EPM2A: variants seen among roughly 807,000 people sequenced by gnomAD.
EPM2A encodes the protein EPM2A glucan phosphatase, laforin, also known as laforin.
A neutral mutation model predicts 26.5 loss-of-function variants in EPM2A; 21 were observed. The observed-to-expected ratio is 0.79, with a 90% CI of 0.56 to 1.14. The LOEUF is 1.14. EPM2A is among the 50% of genes most tolerant of loss of function. EPM2A has a pLI of 0.00. For missense variants in EPM2A, 458 were observed against 440.8 expected, an observed-to-expected ratio of 1.04 and a Z score of -0.35; for synonymous variants, 217 against 177.6, an observed-to-expected ratio of 1.22 and a Z score of -1.76.
chr6:145,729,114 A>G (rs1417120688), intron 1 of EPM2A, among the ~76,000 whole-genome samples: 1 of 152,178 alleles, frequency 6.6e-6, no homozygotes, highest in Non-Finnish European at 1.5e-5. Context: ...TAGGCTTGGG[A>G]GCCTCCACCT....
intron 2 of EPM2A, among the ~76,000 whole-genome samples, chr6:145,661,910 T>G (rs1371737971): frequency 6.6e-6 from 1 of 152,154 alleles, no homozygotes; most frequent in Non-Finnish European, 1.5e-5. Context: ...TTTGCTTTCT[T>G]TGGAAAGATC....
Position 145,664,014 on chromosome 6 carries a change from G to A in EPM2A, c.476+22108C>T, listed in dbSNP as rs1173743785. On this transcript the variant is annotated intron_variant, in intron 2 of 3. Transcript: ENST00000367519. Reference sequence around the variant, plus strand: ...TGCCCTAAAAGAGCTCCTGAAGGAAGCGCTAAACATCGAAAGGAAAAACCG... The same window carrying A: ...TGCCCTAAAAGAGCTCCTGAAGGAAACGCTAAACATCGAAAGGAAAAACCG... Among the ~76,000 whole-genome samples, 14 of 82,424 alleles carry A rather than the reference G, an allele frequency of 1.7e-4. 6 individuals are homozygous for A. The highest frequency in any genetic ancestry group is 3.3e-4 in the Non-Finnish European group (14 of 42,938). 54.1% of individuals were successfully genotyped at this position (82,424 alleles called of 152,430 possible). A position where few individuals can be genotyped will look rare whatever the true frequency, so the allele number is the denominator to read the frequency against.
chr6:145,443,741 C>T (rs2114702906), intron 4 of EPM2A, among the ~76,000 whole-genome samples: 1 of 152,216 alleles, frequency 6.6e-6, no homozygotes, highest in East Asian at 1.9e-4. Flanking sequence ...CCATAACTCC[C>T]ATGTGTTGTG....
At chr6:145,482,119 G>A (rs1458523107) in intron 4 of EPM2A, among the ~76,000 whole-genome samples, 1 of 152,108 alleles carries the variant, frequency 6.6e-6, no homozygotes, top group Non-Finnish European at 1.5e-5. Context: ...TGTTTTGTGT[G>A]CACATTTACA....
At chr6:145,476,044 A>G (rs1269585700) in intron 4 of EPM2A, among the ~76,000 whole-genome samples, 1 of 152,114 alleles carries the variant, frequency 6.6e-6, no homozygotes, top group Non-Finnish European at 1.5e-5. Flanking sequence ...ACATATAAAG[A>G]CACACATAGA....
chr6:145,409,636 T>A (rs1357524552), intron 4 of EPM2A, among the ~76,000 whole-genome samples: 1 of 152,210 alleles, frequency 6.6e-6, no homozygotes, highest in Non-Finnish European at 1.5e-5. Flanking sequence ...AAAACAGTAA[T>A]ACTCACTTAT....
At chr6:145,441,251 T>C (rs1051258676) in intron 4 of EPM2A, among the ~76,000 whole-genome samples, 1 of 152,200 alleles carries the variant, frequency 6.6e-6, no homozygotes, top group Non-Finnish European at 1.5e-5. Flanking sequence ...TTGGCCCCTT[T>C]TTAGTCATGG....
chr6:145,506,846 C>G (rs1005281917), intron 2 of EPM2A, among the ~76,000 whole-genome samples: 1 of 152,210 alleles, frequency 6.6e-6, no homozygotes, highest in Non-Finnish European at 1.5e-5. Flanking sequence ...GACTGGCCCA[C>G]TCTTCAGTTC....
At chr6:145,707,506 T>A (rs1782289044) in intron 1 of EPM2A, among the ~76,000 whole-genome samples, 1 of 152,124 alleles carries the variant, frequency 6.6e-6, no homozygotes, top group Non-Finnish European at 1.5e-5. Context: ...AGGAACCTGG[T>A]GGGAGGTAAT....
chr6:145,692,748 C>A (rs993419964), intron 1 of EPM2A, among the ~76,000 whole-genome samples: 1 of 151,934 alleles, frequency 6.6e-6, no homozygotes, highest in East Asian at 1.9e-4. Flanking sequence ...TATTTCTGGG[C>A]TCTCTATTCT....
chr6:145,550,457 C>T (rs77145117), intron 2 of EPM2A, among the ~76,000 whole-genome samples: 20 of 152,046 alleles, frequency 1.3e-4, no homozygotes, highest in Non-Finnish European at 2.2e-4. Context: ...ATTTGTACAC[C>T]TCTTAGTCTG....
intron 4 of EPM2A, among the ~76,000 whole-genome samples, chr6:145,443,194 G>T (rs1254801888): frequency 6.6e-6 from 1 of 152,136 alleles, no homozygotes. Context: ...TTCTGTTTAG[G>T]ATTTCTTTGG....
At chr6:145,699,086 T>C (rs956877643) in intron 1 of EPM2A, among the ~76,000 whole-genome samples, 7 of 152,184 alleles carry the variant, frequency 4.6e-5, no homozygotes, top group African/African-American at 1.4e-4. Flanking sequence ...ATGCAAAATA[T>C]TCCAATTTAA....
chr6:145,688,541 A>G (rs1781078688), intron 1 of EPM2A, among the ~76,000 whole-genome samples: 1 of 152,200 alleles, frequency 6.6e-6, no homozygotes, highest in Admixed American at 6.5e-5. Flanking sequence ...AGATATCCAA[A>G]AGGAGTCCTC....
chr6:145,511,481 T>G (rs1377776960), intron 2 of EPM2A, among the ~76,000 whole-genome samples: 1 of 152,088 alleles, frequency 6.6e-6, no homozygotes, highest in Non-Finnish European at 1.5e-5. Context: ...ATCCATCACA[T>G]AAACAGGATG....
intron 4 of EPM2A, among the ~76,000 whole-genome samples, chr6:145,391,740 G>A (rs1391084190): frequency 6.6e-6 from 1 of 152,154 alleles, no homozygotes; most frequent in Admixed American, 6.6e-5. Context: ...CGTGATTGAA[G>A]ATAATGCATG....
At chr6:145,433,375 G>T (rs1778946455) in intron 4 of EPM2A, among the ~76,000 whole-genome samples, 1 of 151,750 alleles carries the variant, frequency 6.6e-6, no homozygotes, top group Non-Finnish European at 1.5e-5. Flanking sequence ...TGATGTTTGG[G>T]GATTTAAATC....
intron 4 of EPM2A, among the ~76,000 whole-genome samples, chr6:145,447,201 C>T (rs1299027519): frequency 2.6e-5 from 4 of 152,076 alleles, no homozygotes; most frequent in African/African-American, 9.6e-5. Flanking sequence ...GGAAGGAAAC[C>T]AATAGGCTTA....
At chr6:145,512,827 A>G (rs1780074682) in intron 2 of EPM2A, among the ~76,000 whole-genome samples, 1 of 151,882 alleles carries the variant, frequency 6.6e-6, no homozygotes, top group Non-Finnish European at 1.5e-5. Flanking sequence ...AGAACTCTCT[A>G]TTCAATAAAT....
Sources: gnomAD v4.1 joint callset for allele counts (sites outside exome capture counted in the v4.1 genomes callset) on GRCh38, gnomAD v4.1.1 for gene constraint, MANE v1.5 for transcripts, NCBI Gene and HGNC (gene_info 2026-07-23, HGNC 2026-07-21) for gene names.